NME8: variants seen among roughly 807,000 people sequenced by gnomAD.
NME8 encodes protein NME8.
NME8 carries 72 observed loss-of-function variants against 82.3 expected under a neutral mutation model. The observed-to-expected ratio is 0.87, with a 90% CI of 0.72 to 1.06. The LOEUF is 1.06. Ranked by LOEUF, NME8 falls within the 50% of genes least tolerant of loss-of-function variation. The pLI is 0.00. For synonymous variants in NME8, 267 were observed against 228.5 expected, an observed-to-expected ratio of 1.17 and a Z score of -1.52; for missense variants, 712 against 685.4, an observed-to-expected ratio of 1.04 and a Z score of -0.43.
chr7:37,854,190 A>G (rs750398538), intron 5 of NME8, among the ~76,000 whole-genome samples: 4 of 152,170 alleles, frequency 2.6e-5, no homozygotes, highest in Non-Finnish European at 4.4e-5. Context: ...TGTGTATTAT[A>G]TACTATATTC....
chr7:37,863,313 T>C, intron 7 of NME8, 83 bp from the exon 8 acceptor site: 1 of 791,742 alleles, frequency 1.3e-6, no homozygotes, highest in South Asian at 1.4e-5. Context: ...AAATATTTAC[T>C]AGATACAAAA....
chr7:37,859,955 T>A (rs1329513044), intron 6 of NME8, among the ~76,000 whole-genome samples: 2 of 152,240 alleles, frequency 1.3e-5, no homozygotes, highest in African/African-American at 4.8e-5. Context: ...GCTCATTTTA[T>A]TCAGATATTC....
intron 12 of NME8, among the ~76,000 whole-genome samples, chr7:37,877,792 C>T (rs532891999): frequency 1.3e-5 from 2 of 152,076 alleles, no homozygotes; most frequent in African/African-American, 2.4e-5. Flanking sequence ...GTATCATACC[C>T]CCCTTCCCCT....
intron 5 of NME8, among the ~76,000 whole-genome samples, chr7:37,856,741 A>G (rs1048309152): frequency 2.2e-4 from 33 of 152,274 alleles, no homozygotes; most frequent in South Asian, 1.4e-3. Flanking sequence ...TGTTTAGTAA[A>G]CCTCTTTTAA....
intron 11 of NME8, among the ~76,000 whole-genome samples, chr7:37,876,233 GATAGAT>G (rs2131959641): frequency 1.6e-5 from 1 of 61,970 alleles, no homozygotes; most frequent in East Asian, 6.3e-4. Context: ...TATATATATA[GATAGAT>G]AGATAGATAG....
At chr7:37,887,278 T>C (rs113653403) in intron 14 of NME8, among the ~76,000 whole-genome samples, 33 of 152,334 alleles carry the variant, frequency 2.2e-4, no homozygotes, top group African/African-American at 7.2e-4. Flanking sequence ...AAAGCTGTCC[T>C]GTCTACTTCT....
chr7:37,850,827 CA>C, intron 5 of NME8, 92 bp downstream of exon 5: 1 of 836,684 alleles, frequency 1.2e-6, no homozygotes, highest in South Asian at 1.4e-5. Context: ...TTAATTTAAA[CA>C]ACCTGTCAGT....
intron 5 of NME8, among the ~76,000 whole-genome samples, chr7:37,853,641 G>A (rs571128300): frequency 6.6e-6 from 1 of 152,170 alleles, no homozygotes; most frequent in East Asian, 1.9e-4. Context: ...TGCCCATAAA[G>A]GTGAAAGAAA....
At chr7:37,860,613 G>A (rs994605926) in intron 6 of NME8, among the ~76,000 whole-genome samples, 2 of 151,984 alleles carry the variant, frequency 1.3e-5, no homozygotes, top group African/African-American at 2.4e-5. Flanking sequence ...CAGGCTGTAC[G>A]CTCTCCTTAG....
At chr7:37,851,962 C>T (rs1449172784) in intron 5 of NME8, among the ~76,000 whole-genome samples, 2 of 152,098 alleles carry the variant, frequency 1.3e-5, no homozygotes, top group African/African-American at 4.8e-5. Context: ...TCTTTAAATG[C>T]ATTTTCCATA....
intron 11 of NME8, among the ~76,000 whole-genome samples, chr7:37,873,467 A>T (rs1450876688): frequency 1.3e-5 from 2 of 152,182 alleles, no homozygotes; most frequent in Non-Finnish European, 2.9e-5. Flanking sequence ...GAAACAAGTG[A>T]TAGATGAATT....
chr7:37,865,450 G>T, intron 9 of NME8, 75 bp from the exon 10 acceptor site: 1 of 995,056 alleles, frequency 1.0e-6, no homozygotes, highest in Non-Finnish European at 1.6e-6. Context: ...GGTTTGTTAA[G>T]CCCAAAAAAC....
At chr7:37,875,408 A>C (rs1016879867) in intron 11 of NME8, among the ~76,000 whole-genome samples, 1 of 151,956 alleles carries the variant, frequency 6.6e-6, no homozygotes, top group East Asian at 1.9e-4. Flanking sequence ...CAAGACACAC[A>C]CACACACACA....
chr7:37,894,443 T>A (rs2131975281), intron 15 of NME8, 23 bp from the exon 16 acceptor site: 1 of 1,609,508 alleles, frequency 6.2e-7, no homozygotes, highest in South Asian at 1.1e-5. Context: ...TCTGCAATAT[T>A]ATCAAATATT....
At chr7:37,855,688 C>G (rs1474234189) in intron 5 of NME8, among the ~76,000 whole-genome samples, 8 of 152,182 alleles carry the variant, frequency 5.3e-5, no homozygotes, top group African/African-American at 1.9e-4. Flanking sequence ...CAAAAATTAT[C>G]AAACCATCCT....
chr7:37,888,383 A>G lies in NME8; in HGVS notation c.1354A>G (p.Ser452Gly). 2 of 1,613,466 alleles carry G rather than the reference A, an allele frequency of 1.2e-6. No individual in the cohort carries two copies. Among genetic ancestry groups the G allele is most frequent in the Non-Finnish European group, 1.7e-6 (2 of 1,179,632 alleles). ...AATACAGCATTTCTTTCCTCTTCAAAGCACTTTAGGCTTGATTAAACCTCA... is the reference window on the plus strand; with the variant it reads ...AATACAGCATTTCTTTCCTCTTCAAGGCACTTTAGGCTTGATTAAACCTCA... ...REIQHFFPLQ[S>G]TLGLIKPHAT... Residue 452 changes from serine (S) to glycine (G), a missense_variant, in exon 15 of 18, where the codon AGC (serine) becomes GGC (glycine). Coordinates refer to ENST00000199447, the MANE Select transcript of NME8 (RefSeq NM_016616.5).
chr7:37,878,212 A>G (rs1784886805), intron 12 of NME8, among the ~76,000 whole-genome samples: 1 of 152,068 alleles, frequency 6.6e-6, no homozygotes, highest in South Asian at 2.1e-4. Flanking sequence ...GTATCTATTG[A>G]TGTGATTATG....
At chr7:37,895,504 C>A (rs7811586) in intron 16 of NME8, among the ~76,000 whole-genome samples, 34,735 of 152,006 alleles carry the variant, frequency 0.23, 3,952 homozygotes, top group Non-Finnish European at 0.23. Flanking sequence ...CCCAGGGAGT[C>A]TCTGCTTTTA....
intron 14 of NME8, among the ~76,000 whole-genome samples, chr7:37,887,660 T>C (rs544488119): frequency 1.1e-3 from 174 of 152,316 alleles, no homozygotes; most frequent in African/African-American, 4.0e-3. Flanking sequence ...TATATCAGTC[T>C]GTTCTCATGC....
Sources: gnomAD v4.1 joint callset for allele counts (sites outside exome capture counted in the v4.1 genomes callset) on GRCh38, gnomAD v4.1.1 for gene constraint, MANE v1.5 for transcripts, NCBI Gene and HGNC (gene_info 2026-07-23, HGNC 2026-07-21) for gene names.